DENND5B: variants seen among roughly 807,000 people sequenced by gnomAD.
DENND5B encodes the protein DENN domain containing 5B.
In DENND5B, 34 loss-of-function variants were observed where a neutral mutation model predicts 140.6. That is an observed-to-expected ratio of 0.24 (90% CI 0.18 to 0.32). DENND5B has a LOEUF of 0.32. Ranked by LOEUF, DENND5B falls within the 10% of genes least tolerant of loss-of-function variation. The pLI, the probability that DENND5B is intolerant of heterozygous loss-of-function variation, is 1.00. For missense variants in DENND5B, 1,142 were observed against 1,560.2 expected, an observed-to-expected ratio of 0.73 and a Z score of 4.52; for synonymous variants, 551 against 562.1, an observed-to-expected ratio of 0.98 and a Z score of 0.28.
At position 31,440,723 on chromosome 12, in the gene DENND5B, G is replaced by A. The variant is rs111839518; in HGVS notation, c.2012+2052C>T. ...TGACCAGGCTGGAATGCAGTGATGC[G>A]ATCACATCATGGCTCACTGCAGCCT... is the stretch of plus-strand genomic sequence containing the variant. On this transcript the variant is annotated intron_variant, in intron 7 of 20. Transcript: ENST00000389082. Among the ~76,000 whole-genome samples, 830 of 152,154 alleles carry A rather than the reference G, an allele frequency of 5.5e-3. 8 individuals are homozygous for A. Among genetic ancestry groups the A allele is most frequent in the African/African-American group, 0.019 (769 of 41,520 alleles).
At chr12:31,547,254 C>A (rs745832919) in intron 1 of DENND5B, among the ~76,000 whole-genome samples, 7 of 152,212 alleles carry the variant, frequency 4.6e-5, no homozygotes, top group Non-Finnish European at 8.8e-5. Context: ...CATGTACTCA[C>A]TACCCAGCTT....
At chr12:31,555,502 G>C (rs1352124293) in intron 1 of DENND5B, among the ~76,000 whole-genome samples, 1 of 152,226 alleles carries the variant, frequency 6.6e-6, no homozygotes, top group Non-Finnish European at 1.5e-5. Flanking sequence ...TCGGGGGTCA[G>C]GGACCCACTT....
intron 6 of DENND5B, among the ~76,000 whole-genome samples, chr12:31,446,903 A>G (rs1247319274): frequency 6.6e-6 from 1 of 151,166 alleles, no homozygotes; most frequent in African/African-American, 2.4e-5. Context: ...AAAAAAAAGA[A>G]AAAGAAAAAG....
At chr12:31,440,701 C>A (rs1226474060) in intron 7 of DENND5B, among the ~76,000 whole-genome samples, 4 of 152,072 alleles carry the variant, frequency 2.6e-5, no homozygotes, top group African/African-American at 2.4e-5. Flanking sequence ...GCAAGGTTGA[C>A]CAGGCTGGAA....
At chr12:31,573,783 T>C (rs1949904931) in intron 1 of DENND5B, among the ~76,000 whole-genome samples, 1 of 152,018 alleles carries the variant, frequency 6.6e-6, no homozygotes, top group South Asian at 2.1e-4. Flanking sequence ...GTGATAGAGG[T>C]ATCAAAGAGA....
intron 10 of DENND5B, 112 bp downstream of exon 10, chr12:31,424,423 C>T (rs1943149527): frequency 3.0e-6 from 4 of 1,317,950 alleles, no homozygotes; most frequent in African/African-American, 1.5e-5. Context: ...TTTTTCTAGT[C>T]CCCTTGTGAC....
intron 14 of DENND5B, 143 bp from the exon 15 acceptor site, chr12:31,402,786 A>T: frequency 9.8e-7 from 1 of 1,016,824 alleles, no homozygotes; most frequent in East Asian, 2.7e-5. Flanking sequence ...AAAAGTTGAG[A>T]TCATAACCTT....
chr12:31,502,081 C>T (rs959457365), intron 1 of DENND5B, among the ~76,000 whole-genome samples: 9 of 152,068 alleles, frequency 5.9e-5, no homozygotes, highest in Admixed American at 6.5e-5. Flanking sequence ...CTTTGGGAGG[C>T]GGAGGTGGGC....
intron 1 of DENND5B, among the ~76,000 whole-genome samples, chr12:31,521,752 G>C (rs908556324): frequency 2.6e-5 from 4 of 152,092 alleles, no homozygotes; most frequent in African/African-American, 9.7e-5. Context: ...GTAATGCTAA[G>C]TTCCGTTCCA....
intron 1 of DENND5B, among the ~76,000 whole-genome samples, chr12:31,574,295 A>AATTATTATT (rs1555175991): frequency 0.013 from 1,813 of 144,574 alleles, 46 homozygotes; most frequent in African/African-American, 0.042. Context: ...TAATAATAAT[A>AATTATTATT]ATTTAAAAGG....
chr12:31,400,557 T>C (rs551192326), intron 15 of DENND5B, among the ~76,000 whole-genome samples: 29 of 152,292 alleles, frequency 1.9e-4, no homozygotes, highest in South Asian at 6.2e-4. Context: ...GTTCTTTTTT[T>C]TGGTTAATTT....
intron 1 of DENND5B, among the ~76,000 whole-genome samples, chr12:31,529,544 C>A (rs1948207575): frequency 6.6e-6 from 1 of 151,838 alleles, no homozygotes; most frequent in Non-Finnish European, 1.5e-5. Flanking sequence ...CTCAAGAAAA[C>A]ATCCTTTAGG....
chr12:31,402,720 T>C (rs1279099085), intron 14 of DENND5B, 77 bp from the exon 15 acceptor site: 6 of 1,461,388 alleles, frequency 4.1e-6, no homozygotes, highest in South Asian at 3.2e-5. Context: ...TTAAGAACTC[T>C]TGTTGGTTTT....
At chr12:31,444,523 C>T (rs995278711) in intron 6 of DENND5B, among the ~76,000 whole-genome samples, 3 of 152,272 alleles carry the variant, frequency 2.0e-5, no homozygotes, top group East Asian at 1.9e-4. Context: ...GGATTACAGG[C>T]GTTAGCCATT....
At chr12:31,552,548 G>A (rs11051461) in intron 1 of DENND5B, among the ~76,000 whole-genome samples, 61,868 of 151,974 alleles carry the variant, frequency 0.41, 13,104 homozygotes, top group East Asian at 0.57. Flanking sequence ...TCTCTGCCAG[G>A]CTTTGGTATC....
chr12:31,525,166 GC>G (rs1948042638), intron 1 of DENND5B, among the ~76,000 whole-genome samples: 1 of 152,148 alleles, frequency 6.6e-6, no homozygotes, highest in African/African-American at 2.4e-5. Flanking sequence ...GAAAAAGTCT[GC>G]TAATTCTTCA....
intron 3 of DENND5B, among the ~76,000 whole-genome samples, chr12:31,463,653 C>G (rs1424762515): frequency 6.6e-6 from 1 of 151,892 alleles, no homozygotes; most frequent in East Asian, 1.9e-4. Flanking sequence ...GTTGAAGTAC[C>G]ACACACATTA....
chr12:31,577,487 G>A (rs1372912737), intron 1 of DENND5B, among the ~76,000 whole-genome samples: 2 of 151,990 alleles, frequency 1.3e-5, no homozygotes, highest in Non-Finnish European at 2.9e-5. Flanking sequence ...GAGGCAGGCA[G>A]ATCACGAGGT....
chr12:31,548,372 C>T (rs1382980948), intron 1 of DENND5B, among the ~76,000 whole-genome samples: 1 of 139,392 alleles, frequency 7.2e-6, no homozygotes, highest in Admixed American at 7.2e-5. Context: ...GCAGCTTAGG[C>T]AACATCTGTC....
Sources: allele counts gnomAD v4.1 joint callset (sites outside exome capture counted in the v4.1 genomes callset), GRCh38; gene constraint gnomAD v4.1.1; transcripts MANE v1.5; gene names NCBI Gene and HGNC (gene_info 2026-07-23, HGNC 2026-07-21).